The following LAMA3 variants were observed in gnomAD, a reference collection of about 807,000 sequenced individuals.
LAMA3 encodes laminin subunit alpha 3.
In LAMA3, 281 loss-of-function variants were observed where a neutral mutation model predicts 402.0. The ratio of observed to expected loss-of-function variants is 0.70; its 90% CI spans 0.63 to 0.77. The LOEUF (loss-of-function observed/expected upper bound fraction) is 0.77, where lower values mean the gene tolerates loss of function less well. Ranked by LOEUF, LAMA3 falls within the 30% of genes least tolerant of loss-of-function variation. The pLI is 0.00. For missense variants in LAMA3, 3,840 were observed against 4,215.5 expected, an observed-to-expected ratio of 0.91 and a Z score of 2.47; for synonymous variants, 1,431 against 1,558.4, an observed-to-expected ratio of 0.92 and a Z score of 1.93.
At chr18:23,831,208 A>G (rs147807445) in intron 23 of LAMA3, among the ~76,000 whole-genome samples, 5 of 152,312 alleles carry the variant, frequency 3.3e-5, no homozygotes, top group Admixed American at 6.5e-5. Flanking sequence ...TCCAGACTAT[A>G]GCCAGCACTC....
rs780104671 is a variant in LAMA3, at chr18:23,845,042, G to T, written c.3637G>T (p.Asp1213Tyr). The T allele has an allele frequency of 1.9e-6, 3 of 1,611,782 alleles. No individual in the cohort carries two copies. The African/African-American group carries it at 4.0e-5, about 22-fold the overall frequency. Residue 1213 changes from aspartate (D) to tyrosine (Y), a missense_variant, in exon 30 of 75, where the codon GAC becomes TAC. By Grantham distance (160) the Asp-to-Tyr change is radical. This residue lies in a region of LAMA3 where 2,109 missense variants were observed against 2,376.0 expected (regional missense o/e 0.89). Transcript: ENST00000313654. Reference protein sequence around the residue: ...RVLVVPAENYDYQILHKKSMD... With the variant: ...RVLVVPAENYYYQILHKKSMD... ...TCTAGTGGTGCCTGCAGAAAACTATGACTACCAAATACTTCACAAAAAATC... is the reference window on the plus strand; with the variant it reads ...TCTAGTGGTGCCTGCAGAAAACTATTACTACCAAATACTTCACAAAAAATC...
At position 23,871,681 on chromosome 18, in the gene LAMA3, G is replaced by A. The variant is rs374189061; in HGVS notation, c.4998+20G>A. The A allele has an allele frequency of 1.2e-5, 19 of 1,568,340 alleles. No individual in the cohort carries two copies. Among genetic ancestry groups the A allele is most frequent in the Middle Eastern group, 1.8e-4 (1 of 5,640 alleles). On this transcript the variant is annotated intron_variant, in intron 38 of 74. Coordinates refer to ENST00000313654, the MANE Select transcript of LAMA3 (RefSeq NM_198129.4). Reference sequence around the variant, plus strand: ...TGTCAGGTAGGAAGTTTTCCCATCCGCAACATTTCCCTAGGGAGCTCCTGT... The same window carrying A: ...TGTCAGGTAGGAAGTTTTCCCATCCACAACATTTCCCTAGGGAGCTCCTGT...
At chr18:23,716,952 G>A (rs1310699702) in intron 2 of LAMA3, among the ~76,000 whole-genome samples, 1 of 152,204 alleles carries the variant, frequency 6.6e-6, no homozygotes, top group East Asian at 1.9e-4. Context: ...CTTCTTTAGA[G>A]CAGTCGTATT....
chr18:23,935,226 T>C (rs2082277577), intron 67 of LAMA3, among the ~76,000 whole-genome samples: 1 of 152,082 alleles, frequency 6.6e-6, no homozygotes, highest in Non-Finnish European at 1.5e-5. Flanking sequence ...CCAGTCTGGG[T>C]TATTGGATGA....
intron 11 of LAMA3, among the ~76,000 whole-genome samples, chr18:23,783,747 A>C (rs1476886660): frequency 6.6e-6 from 1 of 152,240 alleles, no homozygotes. Context: ...GCTCGGCTTT[A>C]GAGGGAAAAT....
intron 32 of LAMA3, among the ~76,000 whole-genome samples, chr18:23,856,185 GTT>G (rs1265321568): frequency 6.6e-6 from 1 of 152,190 alleles, no homozygotes; most frequent in Non-Finnish European, 1.5e-5. Context: ...CTGGTTCCAA[GTT>G]TATGTTCTTA....
chr18:23,812,670 T>C (rs952958966), intron 13 of LAMA3, among the ~76,000 whole-genome samples: 13 of 152,248 alleles, frequency 8.5e-5, no homozygotes, highest in Admixed American at 2.6e-4. Context: ...TAATTAAAGA[T>C]GTACTTAGAA....
rs775156113 is a variant in LAMA3, at chr18:23,871,447, C to T, written c.4784C>T (p.Ala1595Val). ...CATGTGTAGGGAAACTTCAGACATG[C>T]CAGCAGCCGTGCCCCAGTGTCTAGG... is the stretch of plus-strand genomic sequence containing the variant. Reference protein sequence around the residue: ...VHVVEGNFRHASSRAPVSREE... With the variant: ...VHVVEGNFRHVSSRAPVSREE... Residue 1595 changes from alanine to valine, a missense_variant, in exon 38 of 75, where the codon GCC becomes GTC. This residue lies in a region of LAMA3 where 2,109 missense variants were observed against 2,376.0 expected (regional missense o/e 0.89). Transcript: ENST00000313654. The T allele has an allele frequency of 4.3e-6, 7 of 1,613,910 alleles. No individual in the cohort carries two copies. Among genetic ancestry groups the T allele is most frequent in the Non-Finnish European group, 1.7e-6 (2 of 1,179,906 alleles).
intron 43 of LAMA3, 44 bp from the exon 44 acceptor site, chr18:23,894,863 G>T (rs1268716): frequency 2.5e-6 from 4 of 1,613,342 alleles, no homozygotes; most frequent in Non-Finnish European, 3.4e-6. Flanking sequence ...GCAGTCCCAC[G>T]GCTCCCCCCA....
At chr18:23,841,532 T>C (rs1273717846) in intron 27 of LAMA3, among the ~76,000 whole-genome samples, 2 of 152,128 alleles carry the variant, frequency 1.3e-5, no homozygotes, top group African/African-American at 4.8e-5. Flanking sequence ...AGGAGGGAGC[T>C]GGGAGCCCCT....
chr18:23,757,684 T>G (rs1403747494), intron 6 of LAMA3, among the ~76,000 whole-genome samples: 1 of 152,234 alleles, frequency 6.6e-6, no homozygotes, highest in African/African-American at 2.4e-5. Context: ...ACACCAGGGC[T>G]GGACAATGGT....
chr18:23,852,857 G>A (rs1484761096), intron 32 of LAMA3, among the ~76,000 whole-genome samples: 1 of 151,990 alleles, frequency 6.6e-6, no homozygotes, highest in Non-Finnish European at 1.5e-5. Context: ...TTTTGTCTGT[G>A]TTCTGTTCTC....
chr18:23,758,468 G>A lies in LAMA3; in HGVS notation c.1020G>A (p.Arg340=), dbSNP rs1488710077. The change falls in exon 7 of 75, where the codon AGG becomes AGA. Residue 340 remains arginine, a synonymous_variant. Transcript: ENST00000313654. ...CDRCCTGYNQ[R]RWRPAAWEQS... is the part of the protein sequence containing the mutation. ...GCTGCTGCACAGGGTACAATCAGAG[G>A]CGCTGGCGGCCCGCCGCTTGGGAGC... is the stretch of plus-strand genomic sequence containing the variant. The A allele has an allele frequency of 1.2e-6, 2 of 1,613,746 alleles. No homozygotes were observed. Among genetic ancestry groups the A allele is most frequent in the Non-Finnish European group, 1.7e-6 (2 of 1,179,986 alleles).
chr18:23,863,375 G>A (rs927625154), intron 35 of LAMA3, among the ~76,000 whole-genome samples: 4 of 152,202 alleles, frequency 2.6e-5, no homozygotes, highest in Non-Finnish European at 5.9e-5. Flanking sequence ...AACCTGGGAG[G>A]CGGAGGTTGC....
chr18:23,773,408 C>A, intron 8 of LAMA3, 89 bp from the exon 9 acceptor site: 1 of 817,914 alleles, frequency 1.2e-6, no homozygotes, highest in Non-Finnish European at 2.1e-6. Flanking sequence ...TTGTATATGA[C>A]AGAATTATTC....
intron 1 of LAMA3, 80 bp from the exon 2 acceptor site, chr18:23,713,840 C>A: frequency 1.5e-6 from 2 of 1,307,460 alleles, no homozygotes; most frequent in South Asian, 1.3e-5. Flanking sequence ...CCTGTATTTG[C>A]TATATGGATA....
intron 41 of LAMA3, among the ~76,000 whole-genome samples, chr18:23,887,889 G>A (rs1293546254): frequency 2.0e-5 from 3 of 152,226 alleles, no homozygotes; most frequent in Non-Finnish European, 1.5e-5. Context: ...TTTTACTTCA[G>A]TCCTTTGGGT....
At chr18:23,726,368 G>C (rs956360587) in intron 2 of LAMA3, among the ~76,000 whole-genome samples, 2 of 152,340 alleles carry the variant, frequency 1.3e-5, no homozygotes, top group African/African-American at 4.8e-5. Context: ...CAGCCTCCTT[G>C]CTGTGGAGTG....
At chr18:23,793,730 G>A (rs1406450566) in intron 12 of LAMA3, among the ~76,000 whole-genome samples, 3 of 152,170 alleles carry the variant, frequency 2.0e-5, no homozygotes, top group African/African-American at 7.2e-5. Context: ...TCACCAAGCA[G>A]CAGCCACCAG....
Sources: gnomAD v4.1 joint callset for allele counts (sites outside exome capture counted in the v4.1 genomes callset) on GRCh38, gnomAD v4.1.1 for gene constraint, gnomAD v4.1.1 regional missense constraint, MANE v1.5 for transcripts, NCBI Gene and HGNC (gene_info 2026-07-23, HGNC 2026-07-21) for gene names.